XKR4: variants seen among roughly 807,000 people sequenced by gnomAD.
XKR4 encodes the protein XK-related protein 4.
XKR4 carries 12 observed loss-of-function variants against 53.9 expected under a neutral mutation model. That is an observed-to-expected ratio of 0.22 (90% CI 0.14 to 0.36). XKR4 has a LOEUF of 0.36. Ranked by LOEUF, XKR4 falls within the 10% of genes least tolerant of loss-of-function variation. The pLI, the probability that XKR4 is intolerant of heterozygous loss-of-function variation, is 1.00. For missense variants in XKR4, 799 were observed against 859.5 expected, an observed-to-expected ratio of 0.93 and a Z score of 0.88; for synonymous variants, 354 against 362.4, an observed-to-expected ratio of 0.98 and a Z score of 0.26.
intron 2 of XKR4, among the ~76,000 whole-genome samples, chr8:55,495,634 C>T (rs370159383): frequency 1.5e-4 from 23 of 152,338 alleles, no homozygotes; most frequent in African/African-American, 4.8e-4. Flanking sequence ...AGGCCCTCCC[C>T]ACAGTGGCGG....
chr8:55,111,381 G>C (rs1194563996), intron 1 of XKR4, among the ~76,000 whole-genome samples: 23 of 152,126 alleles, frequency 1.5e-4, no homozygotes, highest in Admixed American at 1.3e-4. Context: ...CTAGTACCTA[G>C]GGTATATGCA....
intron 2 of XKR4, among the ~76,000 whole-genome samples, chr8:55,485,744 C>T (rs1806181458): frequency 6.6e-6 from 1 of 152,100 alleles, no homozygotes; most frequent in Non-Finnish European, 1.5e-5. Context: ...TACTGTACTC[C>T]TTCTGGTTTC....
intron 1 of XKR4, among the ~76,000 whole-genome samples, chr8:55,221,471 C>T (rs1339298541): frequency 6.6e-6 from 1 of 152,140 alleles, no homozygotes; most frequent in African/African-American, 2.4e-5. Flanking sequence ...GGTTTCCTGG[C>T]CCACACACTG....
intron 1 of XKR4, among the ~76,000 whole-genome samples, chr8:55,145,921 A>G (rs4737900): frequency 0.56 from 85,238 of 152,024 alleles, 24,308 homozygotes; most frequent in South Asian, 0.69. Context: ...TGTGAAGTAA[A>G]GACATATCAC....
intron 1 of XKR4, among the ~76,000 whole-genome samples, chr8:55,248,371 G>A (rs1818318262): frequency 6.6e-6 from 1 of 152,210 alleles, no homozygotes; most frequent in South Asian, 2.1e-4. Context: ...TCTGCCATTT[G>A]ACATTCATGC....
chr8:55,190,021 G>A (rs1013728760), intron 1 of XKR4, among the ~76,000 whole-genome samples: 7 of 152,214 alleles, frequency 4.6e-5, no homozygotes, highest in Admixed American at 1.3e-4. Flanking sequence ...CTTGCCCGGA[G>A]ACAAACCTAC....
chr8:55,324,094 AT>A (rs1184296954), intron 1 of XKR4, among the ~76,000 whole-genome samples: 1 of 152,036 alleles, frequency 6.6e-6, no homozygotes, highest in Non-Finnish European at 1.5e-5. Context: ...TAGGGTTGAC[AT>A]TTTTTATTGT....
intron 2 of XKR4, among the ~76,000 whole-genome samples, chr8:55,481,816 C>A (rs550656715): frequency 3.2e-4 from 49 of 152,204 alleles, no homozygotes; most frequent in African/African-American, 1.2e-3. Context: ...CACTGGCCAT[C>A]AGAGAAATTC....
chr8:55,140,130 T>C (rs972687915), intron 1 of XKR4: 5 of 427,798 alleles, frequency 1.2e-5, no homozygotes, highest in South Asian at 3.5e-5. Context: ...TAGATGAAAA[T>C]TCTCCCTCAG....
chr8:55,267,857 G>A (rs1001641317), intron 1 of XKR4, among the ~76,000 whole-genome samples: 1 of 152,174 alleles, frequency 6.6e-6, no homozygotes, highest in Non-Finnish European at 1.5e-5. Flanking sequence ...CAGTAGAAGT[G>A]CTCTGTAGGA....
At position 55,190,389 on chromosome 8, in the gene XKR4, C is replaced by T. The variant is rs75473376; in HGVS notation, c.806+87095C>T. On this transcript the variant is annotated intron_variant, in intron 1 of 2. Transcript: ENST00000327381. ...TCTATGATTAGAAAAAGAAATATTT[C>T]TTTTCAGAAAGTGTGAGGTAGAGAA... is the stretch of plus-strand genomic sequence containing the variant. Among the ~76,000 whole-genome samples the T allele has an allele frequency of 1.3e-3, 192 of 152,316 alleles. 2 individuals carry two copies. The East Asian group carries it at 0.028, about 22-fold the overall frequency.
At chr8:55,225,159 T>C (rs1405815916) in intron 1 of XKR4, among the ~76,000 whole-genome samples, 1 of 152,252 alleles carries the variant, frequency 6.6e-6, no homozygotes, top group East Asian at 1.9e-4. Context: ...ACAGTATGAC[T>C]ATGCATAATC....
chr8:55,199,768 A>T (rs1471117098), intron 1 of XKR4, among the ~76,000 whole-genome samples: 1 of 152,250 alleles, frequency 6.6e-6, no homozygotes, highest in East Asian at 1.9e-4. Context: ...TAAGATAGCC[A>T]CATAATAGTA....
At chr8:55,361,180 T>C (rs1464782141) in intron 2 of XKR4, among the ~76,000 whole-genome samples, 3 of 152,212 alleles carry the variant, frequency 2.0e-5, no homozygotes, top group African/African-American at 7.2e-5. Context: ...CAGGTAGTGC[T>C]CACTGTACTT....
At chr8:55,457,922 G>A (rs951454144) in intron 2 of XKR4, among the ~76,000 whole-genome samples, 5 of 151,714 alleles carry the variant, frequency 3.3e-5, no homozygotes, top group Non-Finnish European at 7.4e-5. Flanking sequence ...AATTATGTTA[G>A]CATTAACCTG....
chr8:55,275,900 C>T (rs890160416), intron 1 of XKR4, among the ~76,000 whole-genome samples: 1 of 152,176 alleles, frequency 6.6e-6, no homozygotes, highest in Non-Finnish European at 1.5e-5. Flanking sequence ...ACTGTCCCAC[C>T]TGGGCCAGCC....
chr8:55,495,312 A>T (rs932463622), intron 2 of XKR4, among the ~76,000 whole-genome samples: 13 of 152,050 alleles, frequency 8.5e-5, no homozygotes, highest in African/African-American at 2.9e-4. Context: ...GAGCACAGAG[A>T]TGCCTGGGTC....
chr8:55,412,963 C>T (rs1479269504), intron 2 of XKR4, among the ~76,000 whole-genome samples: 2 of 152,148 alleles, frequency 1.3e-5, no homozygotes, highest in South Asian at 2.1e-4. Context: ...GCCAGCAGAA[C>T]GATCCTCATG....
At chr8:55,242,888 G>A (rs1422541032) in intron 1 of XKR4, among the ~76,000 whole-genome samples, 1 of 152,218 alleles carries the variant, frequency 6.6e-6, no homozygotes, top group Non-Finnish European at 1.5e-5. Flanking sequence ...AAAATAAGAA[G>A]TGGATCAGAT....
Sources: gnomAD v4.1 joint callset for allele counts (sites outside exome capture counted in the v4.1 genomes callset) on GRCh38, gnomAD v4.1.1 for gene constraint, MANE v1.5 for transcripts, NCBI Gene and HGNC (gene_info 2026-07-23, HGNC 2026-07-21) for gene names.